FREM2: variants seen among roughly 807,000 people sequenced by gnomAD.
FREM2 encodes the protein FRAS1-related extracellular matrix protein 2.
A neutral mutation model predicts 219.9 loss-of-function variants in FREM2; 119 were observed. That is an observed-to-expected ratio of 0.54 (90% CI 0.47 to 0.63). FREM2 has a LOEUF of 0.63. Ranked by LOEUF, FREM2 falls within the 30% of genes least tolerant of loss-of-function variation. The pLI, the probability that FREM2 is intolerant of heterozygous loss-of-function variation, is 0.00. For synonymous variants in FREM2, 1,562 were observed against 1,522.8 expected (o/e 1.03, Z -0.60); for missense variants, 4,030 against 3,993.6 (o/e 1.01, Z -0.25).
At chr13:38,829,712 C>G (rs1311686168) in intron 6 of FREM2, among the ~76,000 whole-genome samples, 1 of 149,886 alleles carries the variant, frequency 6.7e-6, no homozygotes, top group African/African-American at 2.5e-5. Context: ...GCCCATTCCT[C>G]TATGAATAAT....
chr13:38,701,408 G>A (rs545533053), intron 2 of FREM2, among the ~76,000 whole-genome samples: 1 of 152,050 alleles, frequency 6.6e-6, no homozygotes, highest in Non-Finnish European at 1.5e-5. Context: ...ATATCTTCAC[G>A]AAGGTAACTT....
At chr13:38,805,176 G>T (rs1287302074) in intron 6 of FREM2, among the ~76,000 whole-genome samples, 1 of 150,520 alleles carries the variant, frequency 6.6e-6, no homozygotes, top group African/African-American at 2.4e-5. Context: ...TTGAATAAGA[G>T]AATTAAATAA....
At position 38,687,694 on chromosome 13, in the gene FREM2, A is replaced by G. The variant is rs1869540430; in HGVS notation, c.350A>G (p.Gln117Arg). The change falls in exon 1 of 24, where the codon CAG becomes CGG. Residue 117 changes from glutamine to arginine, a missense_variant. By Grantham distance (43) the Gln-to-Arg change is conservative (BLOSUM62 1). This residue lies in a region of FREM2 where 3,102 missense variants were observed against 2,950.7 expected (regional missense o/e 1.05). Transcript: ENST00000280481. The stretch of plus-strand genomic sequence containing the variant: ...GTACTAGACAACGACGCACTGGCCC[A>G]GCGACCGGGCCGCCTGAGTCCCAAG... ...VSVLDNDALA[Q>R]RPGRLSPKRF... The G allele has an allele frequency of 1.3e-6, 2 of 1,576,212 alleles. No individual in the cohort carries two copies. The highest frequency in any genetic ancestry group is 1.7e-6 in the Non-Finnish European group (2 of 1,158,702).
At chr13:38,799,295 T>TTGGAAA (rs1874918167) in intron 6 of FREM2, among the ~76,000 whole-genome samples, 4 of 152,056 alleles carry the variant, frequency 2.6e-5, no homozygotes, top group Admixed American at 2.6e-4. Context: ...TTTGTTGATT[T>TTGGAAA]CTAGTTTTAT....
chr13:38,786,639 AAG>A (rs1227759748), intron 6 of FREM2, among the ~76,000 whole-genome samples: 1 of 152,246 alleles, frequency 6.6e-6, no homozygotes, highest in African/African-American at 2.4e-5. Flanking sequence ...AATTTAAAAA[AAG>A]AAAATGTAAT....
chr13:38,799,479 T>C lies in FREM2; in HGVS notation c.6019+14671T>C, dbSNP rs1028828422. ...GTTATTTAAATATCTGTTAGGATCA[T>C]TTGTTCTGTAGTCTAGTTTAAAACT... On this transcript the variant is annotated intron_variant, in intron 6 of 23. Transcript: ENST00000280481. Among the ~76,000 whole-genome samples, 45 of 152,218 alleles carry C rather than the reference T, an allele frequency of 3.0e-4. No homozygotes were observed. In the Middle Eastern group the frequency reaches 0.014, roughly 46 times the overall value.
intron 2 of FREM2, among the ~76,000 whole-genome samples, chr13:38,737,643 C>A (rs1419178468): frequency 6.6e-6 from 1 of 152,154 alleles, no homozygotes; most frequent in African/African-American, 2.4e-5. Flanking sequence ...ATAGATGAGA[C>A]CTTCATTAAA....
chr13:38,876,530 G>A, intron 20 of FREM2, 148 bp downstream of exon 20: 1 of 740,186 alleles, frequency 1.4e-6, no homozygotes, highest in Middle Eastern at 3.5e-4. Context: ...GGAAGCTAGG[G>A]ATAAAAGAAT....
intron 6 of FREM2, among the ~76,000 whole-genome samples, chr13:38,845,385 G>A (rs1877112078): frequency 6.6e-6 from 1 of 152,120 alleles, no homozygotes; most frequent in South Asian, 2.1e-4. Context: ...GTTTTTAGTG[G>A]CCTGCCTTCT....
intron 4 of FREM2, among the ~76,000 whole-genome samples, chr13:38,774,573 C>T (rs544444021): frequency 2.0e-5 from 3 of 152,240 alleles, no homozygotes; most frequent in East Asian, 3.9e-4. Flanking sequence ...TCTTAACCTC[C>T]GTGTATTAAG....
chr13:38,772,660 A>G (rs1873709368), intron 4 of FREM2, among the ~76,000 whole-genome samples: 1 of 151,634 alleles, frequency 6.6e-6, no homozygotes, highest in Non-Finnish European at 1.5e-5. Context: ...CATTAGTTCC[A>G]AAATTATATG....
At chr13:38,782,477 A>G (rs1874156484) in intron 4 of FREM2, among the ~76,000 whole-genome samples, 1 of 152,206 alleles carries the variant, frequency 6.6e-6, no homozygotes, top group South Asian at 2.1e-4. Flanking sequence ...TGATAAATAG[A>G]TTTATCAATT....
At chr13:38,825,557 C>G (rs1375474116) in intron 6 of FREM2, among the ~76,000 whole-genome samples, 1 of 152,104 alleles carries the variant, frequency 6.6e-6, no homozygotes, top group African/African-American at 2.4e-5. Flanking sequence ...AGCCTTCCAC[C>G]TAAAGCCTGC....
At chr13:38,762,445 CTT>C (rs11428192) in intron 2 of FREM2, among the ~76,000 whole-genome samples, 3 of 149,088 alleles carry the variant, frequency 2.0e-5, no homozygotes, top group Admixed American at 6.7e-5. Context: ...GCTCTCCAAT[CTT>C]TTTTTTTTTG....
chr13:38,864,373 C>G lies in FREM2; in HGVS notation c.7750C>G (p.Leu2584Val). The change falls in exon 16 of 24, where the codon CTG (leucine) becomes GTG (valine). Residue 2584 changes from leucine (L) to valine (V), a missense_variant. Transcript: ENST00000280481. ...TGGAAACCACAAGTGCTCCAACCTCCTGGATTATACTGAAGTGAAGACTCA... is the reference window on the plus strand; with the variant it reads ...TGGAAACCACAAGTGCTCCAACCTCGTGGATTATACTGAAGTGAAGACTCA... ...RVGNHKCSNLLDYTEVKTHYG... is the reference protein window; with the variant it reads ...RVGNHKCSNLVDYTEVKTHYG... The G allele has an allele frequency of 6.2e-7, 1 of 1,614,156 alleles. No individual in the cohort carries two copies. Among genetic ancestry groups the G allele is most frequent in the Non-Finnish European group, 8.5e-7 (1 of 1,179,994 alleles).
chr13:38,876,491 G>A, intron 20 of FREM2, 109 bp downstream of exon 20: 2 of 933,762 alleles, frequency 2.1e-6, no homozygotes, highest in South Asian at 1.4e-5. Context: ...ATTCTTGCAT[G>A]CTGAAAAGAA....
intron 20 of FREM2, 26 bp downstream of exon 20, chr13:38,876,408 A>G: frequency 6.3e-7 from 1 of 1,599,452 alleles, no homozygotes; most frequent in Non-Finnish European, 8.6e-7. Flanking sequence ...TTACTATCTT[A>G]TGACTTGCAG....
At chr13:38,756,215 A>T (rs1872990619) in intron 2 of FREM2, among the ~76,000 whole-genome samples, 1 of 152,244 alleles carries the variant, frequency 6.6e-6, no homozygotes, top group African/African-American at 2.4e-5. Flanking sequence ...TATTCAGCGC[A>T]GTTACGTTTC....
intron 6 of FREM2, among the ~76,000 whole-genome samples, chr13:38,786,137 T>C (rs1382276537): frequency 6.6e-6 from 1 of 152,198 alleles, no homozygotes; most frequent in Non-Finnish European, 1.5e-5. Context: ...TACAGTGGTA[T>C]AGAAAACCAG....
Sources: allele counts gnomAD v4.1 joint callset (sites outside exome capture counted in the v4.1 genomes callset), GRCh38; gene constraint gnomAD v4.1.1; regional missense constraint gnomAD v4.1.1; transcripts MANE v1.5; gene names NCBI Gene and HGNC (gene_info 2026-07-23, HGNC 2026-07-21).